The following JAKMIP1 variants were observed in gnomAD, a reference collection of about 807,000 sequenced individuals.
JAKMIP1 encodes janus kinase and microtubule-interacting protein 1.
Under a neutral mutation model 113.0 loss-of-function variants are expected in JAKMIP1, and 33 were observed. The ratio of observed to expected loss-of-function variants is 0.29; its 90% CI spans 0.22 to 0.39. The LOEUF is 0.39. JAKMIP1 is among the 10% of genes least tolerant of loss of function. JAKMIP1 has a pLI of 1.00. For missense variants in JAKMIP1, 813 were observed against 1,080.5 expected, an observed-to-expected ratio of 0.75 and a Z score of 3.47; for synonymous variants, 480 against 459.9, an observed-to-expected ratio of 1.04 and a Z score of -0.56.
intron 1 of JAKMIP1, among the ~76,000 whole-genome samples, chr4:6,122,930 G>C (rs941881175): frequency 6.6e-6 from 1 of 152,262 alleles, no homozygotes; most frequent in Non-Finnish European, 1.5e-5. Flanking sequence ...GTTGTTTTGG[G>C]CATGAAATGG....
intron 1 of JAKMIP1, among the ~76,000 whole-genome samples, chr4:6,145,732 G>C (rs1720761387): frequency 6.6e-6 from 1 of 152,124 alleles, no homozygotes. Context: ...GGCATCTAAG[G>C]TCATGGTATT....
chr4:6,115,096 C>G (rs1715539350), intron 1 of JAKMIP1, among the ~76,000 whole-genome samples: 3 of 152,126 alleles, frequency 2.0e-5, no homozygotes, highest in Admixed American at 2.0e-4. Flanking sequence ...GTCAGTACCA[C>G]AAAGAGTGAA....
chr4:6,129,605 C>T lies in JAKMIP1; in HGVS notation c.-147-16608G>A, dbSNP rs1262149422. On this transcript the variant is annotated intron_variant, in intron 1 of 20. Coordinates refer to ENST00000409021, the MANE Select transcript of JAKMIP1 (RefSeq NM_001099433.2). The surrounding 1 kb of genome is among the most constrained non-coding windows in gnomAD (Gnocchi z 5.4). ...TGCCCTGCCCTCATGATGCTGATGGCCATTCCTGCTGAAAGTTCCTTTGTC... is the reference window on the plus strand; with the variant it reads ...TGCCCTGCCCTCATGATGCTGATGGTCATTCCTGCTGAAAGTTCCTTTGTC... Among the ~76,000 whole-genome samples, 3 of 152,062 alleles carry T rather than the reference C, an allele frequency of 2.0e-5. No homozygotes were observed. The highest frequency in any genetic ancestry group is 7.2e-5 in the African/African-American group (3 of 41,410).
rs1715680044 is a variant in JAKMIP1 at position 6,051,682 on chromosome 4, A to G, written c.1807-1003T>C. ...AGCTCAATTAATTACTAAGGGAGGA[A>G]GAAGAGCAAGCCTTTTCCCAGAAGA... On this transcript the variant is annotated intron_variant, in intron 13 of 20. Transcript: ENST00000409021. This position sits in a 1 kb window ranked among gnomAD's most constrained non-coding sequence, Gnocchi z 5.0. Among the ~76,000 whole-genome samples the G allele has an allele frequency of 6.6e-6, 1 of 152,228 alleles. No individual in the cohort carries two copies. Among genetic ancestry groups the G allele is most frequent in the Admixed American group, 6.5e-5 (1 of 15,284 alleles).
intron 1 of JAKMIP1, among the ~76,000 whole-genome samples, chr4:6,130,451 C>A (rs556795801): frequency 6.6e-6 from 1 of 152,298 alleles, no homozygotes; most frequent in African/African-American, 2.4e-5. Context: ...TCCACAGGAA[C>A]CAGTTTAGGT....
intron 13 of JAKMIP1, 152 bp downstream of exon 13, chr4:6,053,898 T>TAA (rs539664905): frequency 2.6e-5 from 31 of 1,192,572 alleles, no homozygotes; most frequent in Non-Finnish European, 3.3e-5. Context: ...CATACAGATT[T>TAA]AAAAAAAAAA....
chr4:6,113,800 T>A (rs988049849), intron 1 of JAKMIP1, among the ~76,000 whole-genome samples: 1 of 152,040 alleles, frequency 6.6e-6, no homozygotes, highest in Non-Finnish European at 1.5e-5. Context: ...TTCTCATCTA[T>A]GTCCCCTACA....
At chr4:6,035,719 C>T (rs1015807557) in intron 19 of JAKMIP1, among the ~76,000 whole-genome samples, 185 bp downstream of exon 19, 9 of 152,240 alleles carry the variant, frequency 5.9e-5, no homozygotes, top group Middle Eastern at 3.2e-3. Flanking sequence ...AAGTGCCCCA[C>T]GTCTTGCCCC....
rs1448739282 is a variant in JAKMIP1 at position 6,135,325 on chromosome 4, G to A, written c.-147-22328C>T. Among the ~76,000 whole-genome samples, 1 of 152,174 alleles carries A rather than the reference G, an allele frequency of 6.6e-6. No homozygotes were observed. The highest frequency in any genetic ancestry group is 1.5e-5 in the Non-Finnish European group (1 of 68,036). ...GAAAATAGGACACAGACACATAGAA[G>A]GAAGACCATGTGAGGACATGGGGAG... On this transcript the variant is annotated intron_variant, in intron 1 of 20. Coordinates refer to ENST00000409021, the MANE Select transcript of JAKMIP1 (RefSeq NM_001099433.2). The surrounding 1 kb of genome is among the most constrained non-coding windows in gnomAD (Gnocchi z 4.9).
In JAKMIP1 at chr4:6,168,667, G is replaced by A. The variant is rs1343434402; in HGVS notation, c.-148+31586C>T. 6.6e-6 allele frequency among the ~76,000 whole-genome samples: 1 copy of A among 152,018 alleles called. No homozygotes were observed. Among genetic ancestry groups the A allele is most frequent in the Non-Finnish European group, 1.5e-5 (1 of 68,020 alleles). ...GCACTTTGGGAGGGCGAGGCGGGCA[G>A]ATTTTTTGAGTCCAAGAGTCCAAGA... On this transcript the variant is annotated intron_variant, in intron 1 of 20. Coordinates refer to ENST00000409021, the MANE Select transcript of JAKMIP1 (RefSeq NM_001099433.2). The surrounding 1 kb of genome is among the most constrained non-coding windows in gnomAD (Gnocchi z 4.6).
intron 1 of JAKMIP1, among the ~76,000 whole-genome samples, chr4:6,189,029 T>G (rs1191450526): frequency 6.6e-6 from 1 of 152,144 alleles, no homozygotes; most frequent in Non-Finnish European, 1.5e-5. Flanking sequence ...CCGGGCATAA[T>G]GAGCTCACTC....
chr4:6,119,404 C>T (rs1333038856), intron 1 of JAKMIP1, among the ~76,000 whole-genome samples: 1 of 152,142 alleles, frequency 6.6e-6, no homozygotes, highest in African/African-American at 2.4e-5. Context: ...ATTAGCTGGG[C>T]GTGGTTGCGC....
rs1716989884 is a variant in JAKMIP1, at chr4:6,059,674, C to G, written c.1644+750G>C. Among the ~76,000 whole-genome samples, 1 of 152,146 alleles carries G rather than the reference C, an allele frequency of 6.6e-6. No homozygotes were observed. The highest frequency in any genetic ancestry group is 1.5e-5 in the Non-Finnish European group (1 of 68,036). On this transcript the variant is annotated intron_variant, in intron 11 of 20. Coordinates refer to ENST00000409021, the MANE Select transcript of JAKMIP1 (RefSeq NM_001099433.2). The surrounding 1 kb of genome is among the most constrained non-coding windows in gnomAD (Gnocchi z 4.8). ...GCAGTTCCAAGATGGTGGTGCCCCC[C>G]TCCCTGAATCCCTGAGAGGCCCTTG...
At chr4:6,152,789 A>AATATACATAT (rs1416007488) in intron 1 of JAKMIP1, among the ~76,000 whole-genome samples, 15 of 135,278 alleles carry the variant, frequency 1.1e-4, no homozygotes, top group African/African-American at 4.0e-4. Context: ...TAAAAATACA[A>AATATACATAT]ATATATATAT....
rs1560314502 is a variant in JAKMIP1 at position 6,170,024 on chromosome 4, CATT to C, written c.-148+30226_-148+30228del. Reference sequence around the variant, plus strand: ...ACCACCACCACCCTCACCACCACCACATTCCCATCACCACCACCACCACCATCA... The same window carrying C: ...ACCACCACCACCCTCACCACCACCACCCCATCACCACCACCACCACCATCA... On this transcript the variant is annotated intron_variant, in intron 1 of 20. Transcript: ENST00000409021. Among the ~76,000 whole-genome samples, 10 of 141,922 alleles carry C rather than the reference CATT, an allele frequency of 7.0e-5. No homozygotes were observed. In the East Asian group the frequency reaches 1.1e-3, roughly 15 times the overall value. The allele number at this position is 141,922 out of a possible 152,430, so 93.1% of individuals were successfully genotyped here.
chr4:6,112,151 G>C (rs905450674), intron 2 of JAKMIP1, among the ~76,000 whole-genome samples: 1 of 152,222 alleles, frequency 6.6e-6, no homozygotes, highest in Non-Finnish European at 1.5e-5. Context: ...ATGATGAACT[G>C]CAACCTAACT....
In JAKMIP1 at chr4:6,036,005, C is replaced by G. The variant is rs1164630458; in HGVS notation, c.2278G>C (p.Ala760Pro). 6.4e-7 allele frequency: 1 copy of G among 1,551,994 alleles called. No individual in the cohort carries two copies. The highest frequency in any genetic ancestry group is 8.7e-7 in the Non-Finnish European group (1 of 1,147,186). ...TGCCTGCGCACCTTTTCCACAGCAG[C>G]CTGCAGGTCCTCCCGCTGGCCCTCG... is the stretch of plus-strand genomic sequence containing the variant. ...LSEGQREDLQ[A>P]AVEKVRRQIL... The change falls in exon 19 of 21, where the codon GCT (alanine) becomes CCT (proline). Residue 760 changes from alanine to proline, a missense_variant. Around this residue, in one of 2 missense-constraint regions of JAKMIP1, gnomAD observed 273 missense variants for 426.6 expected, o/e 0.64. Coordinates refer to ENST00000409021, the MANE Select transcript of JAKMIP1 (RefSeq NM_001099433.2).
intron 5 of JAKMIP1, among the ~76,000 whole-genome samples, chr4:6,084,484 A>T (rs180948762): frequency 6.6e-6 from 1 of 152,284 alleles, no homozygotes; most frequent in Admixed American, 6.5e-5. Context: ...CATTGTATAA[A>T]TATTCCATAA....
rs927870205 is a variant in JAKMIP1, at chr4:6,042,626, A to G, written c.2029-399T>C. 7.9e-5 allele frequency among the ~76,000 whole-genome samples: 12 copies of G among 152,020 alleles called. No individual in the cohort carries two copies. The highest frequency in any genetic ancestry group is 4.4e-5 in the Non-Finnish European group (3 of 68,014). The stretch of plus-strand genomic sequence containing the variant: ...CTTACGACCACCCCAAGCAGTAGGC[A>G]GCGTCACCCCTATTTTGCAGGTAAA... On this transcript the variant is annotated intron_variant, in intron 16 of 20. Transcript: ENST00000409021. This position sits in a 1 kb window ranked among gnomAD's most constrained non-coding sequence, Gnocchi z 5.2.
Sources: gnomAD v4.1 joint callset for allele counts (sites outside exome capture counted in the v4.1 genomes callset) on GRCh38, gnomAD v4.1.1 for gene constraint, gnomAD v4.1.1 regional missense constraint, Gnocchi (gnomAD v3.1) non-coding constraint, MANE v1.5 for transcripts, NCBI Gene and HGNC (gene_info 2026-07-23, HGNC 2026-07-21) for gene names.